The following GRID1 variants were observed in gnomAD, a reference collection of about 807,000 sequenced individuals.
GRID1 encodes glutamate ionotropic receptor delta type subunit 1, also known as glutamate receptor ionotropic, delta-1.
Under a neutral mutation model 98.0 loss-of-function variants are expected in GRID1, and 28 were observed. The ratio of observed to expected loss-of-function variants is 0.29; its 90% CI spans 0.21 to 0.39. The LOEUF (loss-of-function observed/expected upper bound fraction) is 0.39, where lower values mean the gene tolerates loss of function less well. Ranked by LOEUF, GRID1 falls within the 10% of genes least tolerant of loss-of-function variation. The pLI is 1.00. For missense variants in GRID1, 1,111 were observed against 1,340.5 expected (o/e 0.83, Z 2.67); for synonymous variants, 553 against 538.5 (o/e 1.03, Z -0.37).
At chr10:86,048,023 T>A (rs1348214555) in intron 4 of GRID1, among the ~76,000 whole-genome samples, 1 of 152,178 alleles carries the variant, frequency 6.6e-6, no homozygotes, top group Non-Finnish European at 1.5e-5. Flanking sequence ...TGTCAGCTTC[T>A]GCTTTTTGCT....
chr10:86,198,259 C>A (rs1289899105), intron 3 of GRID1, among the ~76,000 whole-genome samples: 2 of 152,064 alleles, frequency 1.3e-5, no homozygotes, highest in African/African-American at 4.8e-5. Context: ...TGCAAGGAGA[C>A]CTTGGGGAAG....
intron 12 of GRID1, among the ~76,000 whole-genome samples, chr10:85,694,785 T>G (rs572413160): frequency 1.5e-5 from 2 of 132,392 alleles, no homozygotes; most frequent in African/African-American, 5.8e-5. Flanking sequence ...AGTGAAATAA[T>G]AGACACTAGA....
chr10:85,722,895 T>C (rs1021676707), intron 12 of GRID1, 108 bp downstream of exon 12: 6 of 791,382 alleles, frequency 7.6e-6, no homozygotes, highest in Non-Finnish European at 1.1e-5. Context: ...GACCATCAGT[T>C]TGCAGATCAG....
At chr10:86,176,495 T>A (rs563655069) in intron 3 of GRID1, among the ~76,000 whole-genome samples, 103 of 152,332 alleles carry the variant, frequency 6.8e-4, no homozygotes, top group African/African-American at 2.4e-3. Context: ...AGCCTGTGCA[T>A]GCGCTGAGAG....
At chr10:85,903,683 C>T (rs940971697) in intron 5 of GRID1, among the ~76,000 whole-genome samples, 1 of 152,164 alleles carries the variant, frequency 6.6e-6, no homozygotes, top group African/African-American at 2.4e-5. Flanking sequence ...CATGACCTGG[C>T]CTCCTGCCAT....
chr10:86,222,817 C>T (rs1180084936), intron 2 of GRID1, among the ~76,000 whole-genome samples: 1 of 152,142 alleles, frequency 6.6e-6, no homozygotes, highest in Non-Finnish European at 1.5e-5. Context: ...GGGGGCAGGG[C>T]ACCCCCTTCC....
intron 12 of GRID1, among the ~76,000 whole-genome samples, chr10:85,706,199 G>A (rs1162314634): frequency 1.3e-5 from 2 of 152,096 alleles, no homozygotes; most frequent in East Asian, 1.9e-4. Context: ...ACATGATTGT[G>A]TATCTAGAAA....
At chr10:86,081,568 T>A (rs1002825822) in intron 4 of GRID1, among the ~76,000 whole-genome samples, 1 of 152,164 alleles carries the variant, frequency 6.6e-6, no homozygotes, top group Non-Finnish European at 1.5e-5. Flanking sequence ...AGCAAAGTCA[T>A]TGTGTTTATA....
chr10:86,232,524 C>T (rs1258421432), intron 2 of GRID1, among the ~76,000 whole-genome samples: 1 of 152,242 alleles, frequency 6.6e-6, no homozygotes, highest in Non-Finnish European at 1.5e-5. Context: ...CTACCCCCAC[C>T]ACCACCTGGA....
intron 8 of GRID1, among the ~76,000 whole-genome samples, chr10:85,794,624 C>A (rs1842509648): frequency 6.6e-6 from 1 of 152,184 alleles, no homozygotes; most frequent in Non-Finnish European, 1.5e-5. Context: ...TGTTGTTTCT[C>A]TCAATCTACC....
intron 2 of GRID1, among the ~76,000 whole-genome samples, chr10:86,244,194 A>G (rs923723789): frequency 6.6e-6 from 1 of 152,172 alleles, no homozygotes; most frequent in African/African-American, 2.4e-5. Flanking sequence ...CCAAAAGATG[A>G]CAACTATGCA....
intron 4 of GRID1, among the ~76,000 whole-genome samples, chr10:85,987,664 G>A (rs1194332103): frequency 3.3e-5 from 5 of 149,804 alleles, no homozygotes; most frequent in East Asian, 3.9e-4. Context: ...ATATCCCTTC[G>A]TCCCTCTGGT....
rs148947313 is a variant in GRID1, at chr10:86,340,182, A to G, written c.235+23759T>C. Among the ~76,000 whole-genome samples the G allele has an allele frequency of 3.9e-5, 6 of 152,276 alleles. No homozygotes were observed. The East Asian group carries it at 1.2e-3, about 29-fold the overall frequency. ...ATGGAAAGCCCAGGAGTTGCTGAGC[A>G]AGGATCAGAGCAAGGGGACACTCAG... On this transcript the variant is annotated intron_variant, in intron 2 of 15. Coordinates refer to ENST00000327946, the MANE Select transcript of GRID1 (RefSeq NM_017551.3).
intron 2 of GRID1, among the ~76,000 whole-genome samples, chr10:86,234,617 G>GC (rs573471382): frequency 5.9e-5 from 9 of 152,136 alleles, no homozygotes; most frequent in South Asian, 4.1e-4. Flanking sequence ...CATGGCCCAA[G>GC]CCCCCCCAGG....
In GRID1 at chr10:85,880,102, A is replaced by G. The variant is rs1340160775; in HGVS notation, c.781-10922T>C. Among the ~76,000 whole-genome samples the G allele has an allele frequency of 8.5e-5, 13 of 152,326 alleles. No homozygotes were observed. In the East Asian group the frequency reaches 2.3e-3, roughly 27 times the overall value. ...AGTTGAATCTCTGAATAGACCAATA[A>G]CAGGCTCTGAAATTGTGGCAATAAT... On this transcript the variant is annotated intron_variant, in intron 5 of 15. Transcript: ENST00000327946.
intron 4 of GRID1, among the ~76,000 whole-genome samples, chr10:86,092,278 G>C (rs1844161190): frequency 6.6e-6 from 1 of 152,118 alleles, no homozygotes; most frequent in Non-Finnish European, 1.5e-5. Flanking sequence ...GAAATAGTTA[G>C]CTTAAAGAAA....
At chr10:86,238,331 A>G (rs1286771575) in intron 2 of GRID1, among the ~76,000 whole-genome samples, 1 of 152,222 alleles carries the variant, frequency 6.6e-6, no homozygotes, top group East Asian at 1.9e-4. Flanking sequence ...GACATGGCAC[A>G]CTGCATCACA....
chr10:86,133,417 C>T (rs992303429), intron 4 of GRID1, among the ~76,000 whole-genome samples: 9 of 152,212 alleles, frequency 5.9e-5, no homozygotes, highest in African/African-American at 2.2e-4. Flanking sequence ...CTCTCTGCAC[C>T]CCACACTCCA....
intron 4 of GRID1, among the ~76,000 whole-genome samples, chr10:86,082,165 A>G (rs1294744044): frequency 1.3e-5 from 2 of 152,238 alleles, no homozygotes; most frequent in African/African-American, 4.8e-5. Context: ...TTAAAAAGTA[A>G]AGTCCCTTAA....
Sources: allele counts gnomAD v4.1 joint callset (sites outside exome capture counted in the v4.1 genomes callset), GRCh38; gene constraint gnomAD v4.1.1; transcripts MANE v1.5; gene names NCBI Gene and HGNC (gene_info 2026-07-23, HGNC 2026-07-21).